GRID2: variants seen among roughly 807,000 people sequenced by gnomAD.
GRID2 encodes the protein glutamate ionotropic receptor delta type subunit 2.
Under a neutral mutation model 114.8 loss-of-function variants are expected in GRID2, and 33 were observed. That is an observed-to-expected ratio of 0.29 (90% CI 0.22 to 0.38). The LOEUF is 0.38. GRID2 is among the 10% of genes least tolerant of loss of function. The probability of loss-of-function intolerance (pLI) is 1.00; values close to 1 mark genes in which losing one functional copy is unlikely to be tolerated. For synonymous variants in GRID2, 505 were observed against 449.9 expected (o/e 1.12, Z -1.55); for missense variants, 1,184 against 1,257.7 (o/e 0.94, Z 0.89).
chr4:93,160,382 A>T (rs1737580782), intron 4 of GRID2, among the ~76,000 whole-genome samples: 1 of 151,924 alleles, frequency 6.6e-6, no homozygotes, highest in Admixed American at 6.6e-5. Flanking sequence ...GAGTCTTAAA[A>T]AAAAGTTTGT....
chr4:93,302,749 A>G (rs1454597250), intron 8 of GRID2: 2 of 356,976 alleles, frequency 5.6e-6, no homozygotes, highest in African/African-American at 4.3e-5. Flanking sequence ...TAATAAAACC[A>G]ACAATATATC....
intron 1 of GRID2, among the ~76,000 whole-genome samples, chr4:92,369,876 A>T (rs1403578431): frequency 2.0e-5 from 3 of 152,206 alleles, no homozygotes; most frequent in Non-Finnish European, 4.4e-5. Flanking sequence ...TAGTAAATTG[A>T]AACATTTGTT....
intron 3 of GRID2, among the ~76,000 whole-genome samples, chr4:93,103,781 A>G (rs1384360933): frequency 2.0e-5 from 3 of 152,042 alleles, no homozygotes; most frequent in African/African-American, 7.2e-5. Context: ...AGGTTAAGAA[A>G]TTGGAGCACT....
chr4:92,596,762 T>A (rs749849251), intron 2 of GRID2, among the ~76,000 whole-genome samples: 17 of 151,558 alleles, frequency 1.1e-4, no homozygotes, highest in Non-Finnish European at 2.4e-4. Flanking sequence ...CAATTAAAAA[T>A]ATATATATTT....
intron 1 of GRID2, among the ~76,000 whole-genome samples, chr4:92,309,501 C>T (rs1049812250): frequency 7.9e-5 from 12 of 151,250 alleles, no homozygotes; most frequent in Non-Finnish European, 1.3e-4. Flanking sequence ...CATTAGGTGT[C>T]ACTGCATTCT....
chr4:92,595,009 A>G (rs970148625), intron 2 of GRID2, among the ~76,000 whole-genome samples: 46 of 151,998 alleles, frequency 3.0e-4, no homozygotes, highest in African/African-American at 1.1e-3. Context: ...GAATCCATAT[A>G]TAATTCTTAC....
intron 13 of GRID2, among the ~76,000 whole-genome samples, chr4:93,584,442 CT>C (rs1192244374): frequency 6.6e-6 from 1 of 152,010 alleles, no homozygotes; most frequent in Non-Finnish European, 1.5e-5. Flanking sequence ...AAAAAATTTT[CT>C]TCCTTTCTTT....
At chr4:92,676,390 C>T (rs1337857869) in intron 2 of GRID2, among the ~76,000 whole-genome samples, 2 of 151,774 alleles carry the variant, frequency 1.3e-5, no homozygotes, top group Admixed American at 6.6e-5. Flanking sequence ...CTGTGTTAGC[C>T]AGGATGGTCT....
intron 2 of GRID2, among the ~76,000 whole-genome samples, chr4:92,868,576 A>C (rs1745065092): frequency 6.6e-6 from 1 of 152,202 alleles, no homozygotes; most frequent in Non-Finnish European, 1.5e-5. Context: ...CAACAAAGGC[A>C]ATCAGTATGT....
At chr4:92,437,090 T>C (rs1732770162) in intron 1 of GRID2, among the ~76,000 whole-genome samples, 1 of 152,234 alleles carries the variant, frequency 6.6e-6, no homozygotes, top group African/African-American at 2.4e-5. Context: ...TATGTGTCTA[T>C]AATTGACTAA....
At chr4:93,495,988 A>G (rs559943339) in intron 12 of GRID2, among the ~76,000 whole-genome samples, 2 of 151,852 alleles carry the variant, frequency 1.3e-5, no homozygotes, top group Admixed American at 1.3e-4. Context: ...TTCACATGCA[A>G]TTTTGCAGAA....
chr4:93,689,493 A>G lies in GRID2; in HGVS notation c.2360+63058A>G, dbSNP rs192847923. ...ATTTGCATAACAAAGATAAGCCTCT[A>G]ATTGCTCCAGATCAGACTTCCTTGA... On this transcript the variant is annotated intron_variant, in intron 14 of 15. Transcript: ENST00000282020. Among the ~76,000 whole-genome samples, 604 of 152,158 alleles carry G rather than the reference A, an allele frequency of 4.0e-3. 8 individuals are homozygous for G. Among genetic ancestry groups the G allele is most frequent in the African/African-American group, 0.014 (572 of 41,538 alleles).
intron 1 of GRID2, among the ~76,000 whole-genome samples, chr4:92,397,342 ATGTGTGTGTGTGTGTG>A (rs58085283): frequency 1.3e-3 from 189 of 142,592 alleles, no homozygotes; most frequent in East Asian, 2.6e-3. Context: ...GTGTGTTTGT[ATGTGTGTGTGTGTGTG>A]TGTGTGTGTG....
At chr4:93,273,593 A>G (rs1751738611) in intron 8 of GRID2, among the ~76,000 whole-genome samples, 1 of 152,126 alleles carries the variant, frequency 6.6e-6, no homozygotes, top group Non-Finnish European at 1.5e-5. Flanking sequence ...TGGCTTTAAA[A>G]TGAGGGATTG....
chr4:92,711,441 G>C (rs1020510732), intron 2 of GRID2, among the ~76,000 whole-genome samples: 25 of 152,188 alleles, frequency 1.6e-4, no homozygotes, highest in African/African-American at 6.0e-4. Flanking sequence ...GAAGTCCCCA[G>C]TTTTTGTTGG....
At chr4:93,741,611 T>C (rs1196790302) in intron 14 of GRID2, among the ~76,000 whole-genome samples, 2 of 152,076 alleles carry the variant, frequency 1.3e-5, no homozygotes. Flanking sequence ...TAAACAACAG[T>C]TTTATGATCT....
At position 93,771,397 on chromosome 4, in the gene GRID2, G is replaced by T. The variant is rs576172116; in HGVS notation, c.2602-679G>T. Among the ~76,000 whole-genome samples, 6 of 152,286 alleles carry T rather than the reference G, an allele frequency of 3.9e-5. No homozygotes were observed. The East Asian group carries it at 9.7e-4, about 25-fold the overall frequency. On this transcript the variant is annotated intron_variant, in intron 15 of 15. Transcript: ENST00000282020. Reference sequence around the variant, plus strand: ...CCTAAACTAAAGCTATCACTCACGTGCCCTGACTTGAAGGGGTCCCTAAAT... The same window carrying T: ...CCTAAACTAAAGCTATCACTCACGTTCCCTGACTTGAAGGGGTCCCTAAAT...
intron 1 of GRID2, among the ~76,000 whole-genome samples, chr4:93,781,170 T>C (rs1442921264): frequency 6.6e-6 from 1 of 152,162 alleles, no homozygotes; most frequent in Non-Finnish European, 1.5e-5. Flanking sequence ...GAAGAAAGGA[T>C]AGAATTGAGA....
At position 92,613,073 on chromosome 4, in the gene GRID2, ATTTATCATGT is replaced by A. The variant is rs1158150407; in HGVS notation, c.244+22789_244+22798del. On this transcript the variant is annotated intron_variant, in intron 2 of 15. Coordinates refer to ENST00000282020, the MANE Select transcript of GRID2 (RefSeq NM_001510.4). ...TAGCTGTATATTTTCCAAAGATGCT[ATTTATCATGT>A]TGAAGAAATTTCCTAATACTCATAG... Among the ~76,000 whole-genome samples the A allele has an allele frequency of 2.0e-5, 3 of 151,494 alleles. No homozygotes were observed. In the South Asian group the frequency reaches 6.2e-4, roughly 31 times the overall value.
Sources: gnomAD v4.1 joint callset for allele counts (sites outside exome capture counted in the v4.1 genomes callset) on GRCh38, gnomAD v4.1.1 for gene constraint, MANE v1.5 for transcripts, NCBI Gene and HGNC (gene_info 2026-07-23, HGNC 2026-07-21) for gene names.